The following KLF12 variants were observed in gnomAD, a reference collection of about 807,000 sequenced individuals.
The protein encoded by KLF12 is KLF transcription factor 12.
KLF12 carries 9 observed loss-of-function variants against 37.8 expected under a neutral mutation model. The ratio of observed to expected loss-of-function variants is 0.24; its 90% CI spans 0.14 to 0.42. KLF12 has a LOEUF of 0.42. Ranked by LOEUF, KLF12 falls within the 10% of genes least tolerant of loss-of-function variation. The pLI, the probability that KLF12 is intolerant of heterozygous loss-of-function variation, is 1.00. For missense variants in KLF12, 411 were observed against 516.0 expected (o/e 0.80, Z 1.97); for synonymous variants, 208 against 202.1 (o/e 1.03, Z -0.25).
chr13:74,043,056 C>A (rs374398967), intron 1 of KLF12, among the ~76,000 whole-genome samples: 2 of 152,148 alleles, frequency 1.3e-5, no homozygotes, highest in African/African-American at 4.8e-5. Context: ...TAAATAAGAT[C>A]GGACAGACTG....
the KLF12 span, among the ~76,000 whole-genome samples, chr13:74,141,013 C>T: frequency 1.3e-5 from 2 of 151,836 alleles, no homozygotes; most frequent in Admixed American, 6.6e-5. Context: ...TGCAGTGAGC[C>T]GAGATGGTGC....
intron 6 of KLF12, among the ~76,000 whole-genome samples, chr13:73,763,803 G>T (rs1047660222): frequency 2.0e-5 from 3 of 152,002 alleles, no homozygotes; most frequent in Non-Finnish European, 2.9e-5. Context: ...CCGGACAGGG[G>T]ATAACATGCT....
chr13:74,187,480 G>A, the KLF12 span, among the ~76,000 whole-genome samples: 2 of 152,076 alleles, frequency 1.3e-5, no homozygotes, highest in East Asian at 3.8e-4. Flanking sequence ...GGTCGAATGA[G>A]ATATCATGTA....
intron 2 of KLF12, among the ~76,000 whole-genome samples, chr13:73,994,081 G>A (rs1892041230): frequency 6.6e-6 from 1 of 152,190 alleles, no homozygotes. Context: ...CTAGAAAGGA[G>A]CAATTTTAGC....
chr13:74,046,098 G>A (rs534522584), intron 1 of KLF12, among the ~76,000 whole-genome samples: 6 of 152,096 alleles, frequency 3.9e-5, no homozygotes, highest in African/African-American at 9.7e-5. Flanking sequence ...ATGTTTAGAC[G>A]TTGTTTCACT....
At chr13:74,001,999 GATCA>G (rs958625459) in intron 1 of KLF12, among the ~76,000 whole-genome samples, 23 of 152,316 alleles carry the variant, frequency 1.5e-4, no homozygotes, top group Non-Finnish European at 3.1e-4. Flanking sequence ...TAATTTGAAA[GATCA>G]ATCAAAGGAC....
At chr13:74,017,183 T>C in intron 1 of KLF12, among the ~76,000 whole-genome samples, 1 of 140,614 alleles carries the variant, frequency 7.1e-6, no homozygotes, top group East Asian at 2.1e-4. Flanking sequence ...TTGTAATATA[T>C]GCACTTCCTT....
intron 1 of KLF12, among the ~76,000 whole-genome samples, chr13:74,013,963 T>G (rs1216598313): frequency 6.6e-6 from 1 of 152,100 alleles, no homozygotes; most frequent in Non-Finnish European, 1.5e-5. Context: ...TACAAGCATG[T>G]GTCCCCACAG....
At chr13:73,902,025 C>CA (rs1480499937) in intron 3 of KLF12, among the ~76,000 whole-genome samples, 2 of 152,024 alleles carry the variant, frequency 1.3e-5, no homozygotes, top group Non-Finnish European at 2.9e-5. Flanking sequence ...ACTATAGGTA[C>CA]AAAATAGAAC....
At chr13:74,087,056 C>T (rs1331629962) in intron 1 of KLF12, among the ~76,000 whole-genome samples, 2 of 152,098 alleles carry the variant, frequency 1.3e-5, no homozygotes, top group Non-Finnish European at 2.9e-5. Flanking sequence ...CAGTTCACAC[C>T]TGTGTTGTTC....
In KLF12 at chr13:74,029,172, G is replaced by T. The variant is rs182523076; in HGVS notation, c.-31-34119C>A. Among the ~76,000 whole-genome samples the T allele has an allele frequency of 2.0e-4, 31 of 152,038 alleles. 2 individuals carry two copies. Among genetic ancestry groups the T allele is most frequent in the Non-Finnish European group, 7.4e-5 (5 of 67,950 alleles). ...GTGGGACTAAGACCAACCAAGTACC[G>T]ATCCTCTATTGCCTACCATTCCCAA... On this transcript the variant is annotated intron_variant, in intron 1 of 7. Transcript: ENST00000377669.
chr13:73,875,665 G>C (rs546299571), intron 3 of KLF12, among the ~76,000 whole-genome samples: 1 of 152,098 alleles, frequency 6.6e-6, no homozygotes, highest in East Asian at 1.9e-4. Flanking sequence ...TTTCCTGCTT[G>C]ACAAAAATAA....
intron 3 of KLF12, among the ~76,000 whole-genome samples, chr13:73,884,500 T>C (rs1182651238): frequency 6.6e-6 from 1 of 152,228 alleles, no homozygotes; most frequent in Non-Finnish European, 1.5e-5. Context: ...TCGAGGGCCC[T>C]GCTCTGGTCT....
chr13:73,704,317 C>G (rs1874768183), intron 7 of KLF12, among the ~76,000 whole-genome samples: 1 of 152,164 alleles, frequency 6.6e-6, no homozygotes, highest in Non-Finnish European at 1.5e-5. Context: ...ATGAGCAAAA[C>G]TTGCTCAGCA....
the KLF12 span, among the ~76,000 whole-genome samples, chr13:74,223,591 C>G: frequency 1.3e-5 from 2 of 152,154 alleles, no homozygotes; most frequent in Non-Finnish European, 2.9e-5. Flanking sequence ...GGGATATGAC[C>G]TGAATGGAAT....
chr13:74,235,539 G>A, the KLF12 span, among the ~76,000 whole-genome samples: 1 of 152,130 alleles, frequency 6.6e-6, no homozygotes, highest in Non-Finnish European at 1.5e-5. Flanking sequence ...ACTAAAATAT[G>A]TACATCTGCT....
At chr13:74,284,470 G>A in the KLF12 span, among the ~76,000 whole-genome samples, 3 of 152,154 alleles carry the variant, frequency 2.0e-5, no homozygotes, top group Non-Finnish European at 4.4e-5. Context: ...TGCAACACAG[G>A]ACTCCTCAGG....
At chr13:73,853,130 G>C (rs893017765) in intron 3 of KLF12, among the ~76,000 whole-genome samples, 2 of 152,100 alleles carry the variant, frequency 1.3e-5, no homozygotes, top group African/African-American at 4.8e-5. Flanking sequence ...GCCTCCCAAA[G>C]TGCTGGGATT....
chr13:73,912,779 T>C (rs1888633302), intron 3 of KLF12, among the ~76,000 whole-genome samples: 1 of 152,088 alleles, frequency 6.6e-6, no homozygotes, highest in Non-Finnish European at 1.5e-5. Flanking sequence ...CACACCAGAG[T>C]TCTTTGTTAA....
Sources: gnomAD v4.1 joint callset for allele counts (sites outside exome capture counted in the v4.1 genomes callset) on GRCh38, gnomAD v4.1.1 for gene constraint, MANE v1.5 for transcripts, NCBI Gene and HGNC (gene_info 2026-07-23, HGNC 2026-07-21) for gene names.